The following VWA3B variants were observed in gnomAD, a reference collection of about 807,000 sequenced individuals.
VWA3B encodes the protein von Willebrand factor A domain containing 3B.
A neutral mutation model predicts 158.3 loss-of-function variants in VWA3B; 138 were observed. That is an observed-to-expected ratio of 0.87 (90% confidence interval 0.76 to 1.00). The LOEUF (loss-of-function observed/expected upper bound fraction) is 1.00, where lower values mean the gene tolerates loss of function less well. VWA3B is among the 50% of genes least tolerant of loss of function. The pLI, the probability that VWA3B is intolerant of heterozygous loss-of-function variation, is 0.00. For synonymous variants in VWA3B, 596 were observed against 587.3 expected (o/e 1.01, Z -0.21); for missense variants, 1,555 against 1,565.1 (o/e 0.99, Z 0.11).
In VWA3B at chr2:98,211,023, T is replaced by C. The variant is rs114489212; in HGVS notation, c.1738-907T>C. On this transcript the variant is annotated intron_variant, in intron 12 of 27. Transcript: ENST00000477737. ...AGTGCCAGCGAGGAAAGCCACAGCATCCAGCGCTCTGCAGTGGAACTGCAG... is the reference window on the plus strand; with the variant it reads ...AGTGCCAGCGAGGAAAGCCACAGCACCCAGCGCTCTGCAGTGGAACTGCAG... 6.4e-3 allele frequency among the ~76,000 whole-genome samples: 974 copies of C among 152,314 alleles called. 6 individuals are homozygous for C. Among genetic ancestry groups the C allele is most frequent in the African/African-American group, 0.022 (929 of 41,566 alleles).
intron 22 of VWA3B, among the ~76,000 whole-genome samples, chr2:98,280,703 C>T (rs1246394278): frequency 6.6e-6 from 1 of 152,206 alleles, no homozygotes; most frequent in African/African-American, 2.4e-5. Context: ...TGTGTTTTCA[C>T]GAGTTATGCT....
intron 12 of VWA3B, among the ~76,000 whole-genome samples, chr2:98,197,254 G>A (rs972099048): frequency 1.3e-5 from 2 of 152,174 alleles, no homozygotes; most frequent in Non-Finnish European, 2.9e-5. Context: ...ATTTGGGGGA[G>A]GGAATACTCT....
intron 24 of VWA3B, among the ~76,000 whole-genome samples, chr2:98,299,097 G>A (rs1036787722): frequency 3.9e-4 from 60 of 152,292 alleles, no homozygotes; most frequent in African/African-American, 1.4e-3. Context: ...TGCAGTGATT[G>A]GCCTTAGGTT....
At chr2:98,197,945 C>A (rs1049421063) in intron 12 of VWA3B, among the ~76,000 whole-genome samples, 1 of 151,930 alleles carries the variant, frequency 6.6e-6, no homozygotes, top group Non-Finnish European at 1.5e-5. Context: ...GATTGTATCA[C>A]TGCTTTTACG....
chr2:98,207,630 G>T, intron 12 of VWA3B: 1 of 475,180 alleles, frequency 2.1e-6, no homozygotes, highest in South Asian at 1.6e-5. Context: ...AGCAGATTTT[G>T]ATAGGTGAAC....
intron 2 of VWA3B, among the ~76,000 whole-genome samples, chr2:98,111,278 C>G (rs772203964): frequency 6.6e-6 from 1 of 152,146 alleles, no homozygotes; most frequent in African/African-American, 2.4e-5. Context: ...ATGATTTCAT[C>G]TTTTGAAATG....
intron 7 of VWA3B, among the ~76,000 whole-genome samples, chr2:98,159,219 ACACGAGCCTG>A (rs1270281725): frequency 6.6e-6 from 1 of 152,104 alleles, no homozygotes; most frequent in Non-Finnish European, 1.5e-5. Flanking sequence ...TAGCATTTTA[ACACGAGCCTG>A]CAAATTGTTT....
At chr2:98,197,435 C>T (rs1558663032) in intron 12 of VWA3B, among the ~76,000 whole-genome samples, 1 of 152,120 alleles carries the variant, frequency 6.6e-6, no homozygotes, top group African/African-American at 2.4e-5. Context: ...TGAAGCTATG[C>T]AAATATCATT....
At chr2:98,130,392 T>G (rs916805201) in intron 6 of VWA3B, among the ~76,000 whole-genome samples, 6 of 152,154 alleles carry the variant, frequency 3.9e-5, no homozygotes, top group Non-Finnish European at 5.9e-5. Flanking sequence ...CCTCTTTTAC[T>G]AATCCTCCTC....
chr2:98,220,354 TA>T (rs573411864), intron 14 of VWA3B, among the ~76,000 whole-genome samples: 10 of 151,530 alleles, frequency 6.6e-5, no homozygotes, highest in South Asian at 2.1e-4. Context: ...GGTAAATATG[TA>T]AAAAAAAATT....
rs1574285688 is a variant in VWA3B, at chr2:98,288,802, C to G, written c.3046-1709C>G. 2.0e-5 allele frequency among the ~76,000 whole-genome samples: 3 copies of G among 152,266 alleles called. No individual in the cohort carries two copies. The East Asian group carries it at 5.8e-4, about 29-fold the overall frequency. ...CATTTTATTTAATATACATAAGCCT[C>G]TACTTCTTGATCTATCAAGTTGCAT... On this transcript the variant is annotated intron_variant, in intron 22 of 27. Coordinates refer to ENST00000477737, the MANE Select transcript of VWA3B (RefSeq NM_144992.5).
intron 11 of VWA3B, among the ~76,000 whole-genome samples, chr2:98,193,686 C>T (rs1681786918): frequency 6.6e-6 from 1 of 151,776 alleles, no homozygotes; most frequent in Non-Finnish European, 1.5e-5. Flanking sequence ...AGCTCCGCCT[C>T]CCGGGTTCAC....
chr2:98,138,257 G>A (rs374720596), intron 7 of VWA3B, among the ~76,000 whole-genome samples: 93 of 152,218 alleles, frequency 6.1e-4, no homozygotes, highest in African/African-American at 2.1e-3. Flanking sequence ...GAAGCCTTCC[G>A]TGGCCAGTGT....
At chr2:98,186,638 AAC>A (rs1681081745) in intron 9 of VWA3B, among the ~76,000 whole-genome samples, 1 of 151,006 alleles carries the variant, frequency 6.6e-6, no homozygotes, top group Non-Finnish European at 1.5e-5. Context: ...TCTCTCGGTG[AAC>A]GCTGTCGGTT....
At chr2:98,252,627 A>G (rs970091363) in intron 20 of VWA3B, among the ~76,000 whole-genome samples, 2 of 152,114 alleles carry the variant, frequency 1.3e-5, no homozygotes, top group Non-Finnish European at 2.9e-5. Context: ...GTAAAGAGGA[A>G]CTGATGTTCA....
chr2:98,324,491 C>G, the VWA3B span, among the ~76,000 whole-genome samples: 1 of 152,124 alleles, frequency 6.6e-6, no homozygotes, highest in South Asian at 2.1e-4. Flanking sequence ...TATGCACAGA[C>G]AGATTGCAAA....
rs1024289942 is a variant in VWA3B at position 98,206,655 on chromosome 2, C to T, written c.1738-5275C>T. The T allele has an allele frequency of 2.8e-5, 10 of 357,646 alleles. No individual in the cohort carries two copies. In the Admixed American group the frequency reaches 3.1e-4, roughly 11 times the overall value. 22.2% of individuals were successfully genotyped at this position (357,646 alleles called of 1,614,324 possible). A position where few individuals can be genotyped will look rare whatever the true frequency, so the allele number is the denominator to read the frequency against. ...CAGTTTGCTCCCATTTATGTTGAGG[C>T]TCCTGAGTTCATGGAAATTAGCGTT... On this transcript the variant is annotated intron_variant, in intron 12 of 27. Transcript: ENST00000477737.
chr2:98,107,870 A>G (rs574173137), intron 2 of VWA3B, among the ~76,000 whole-genome samples: 1 of 151,338 alleles, frequency 6.6e-6, no homozygotes, highest in South Asian at 2.1e-4. Context: ...ATTGATTTCT[A>G]CTTTGATCTT....
chr2:98,159,655 A>G (rs923469950), intron 7 of VWA3B, among the ~76,000 whole-genome samples: 2 of 152,106 alleles, frequency 1.3e-5, no homozygotes, highest in Non-Finnish European at 2.9e-5. Flanking sequence ...GAATGACTCC[A>G]TTAGGAACCG....
Sources: gnomAD v4.1 joint callset for allele counts (sites outside exome capture counted in the v4.1 genomes callset) on GRCh38, gnomAD v4.1.1 for gene constraint, MANE v1.5 for transcripts, NCBI Gene and HGNC (gene_info 2026-07-23, HGNC 2026-07-21) for gene names.